The following AK5 variants were observed in gnomAD, a reference collection of about 807,000 sequenced individuals.
AK5 encodes adenylate kinase 5.
Under a neutral mutation model 69.5 loss-of-function variants are expected in AK5, and 27 were observed. The ratio of observed to expected loss-of-function variants is 0.39; its 90% CI spans 0.29 to 0.54. The LOEUF is 0.54. Among genes scored for constraint, AK5 ranks in the 20% least tolerant of loss-of-function variants. AK5 has a pLI of 0.71. For synonymous variants in AK5, 260 were observed against 244.4 expected (o/e 1.06, Z -0.60); for missense variants, 531 against 700.4 (o/e 0.76, Z 2.73).
intron 5 of AK5, among the ~76,000 whole-genome samples, chr1:77,337,912 A>T (rs1174350257): frequency 1.3e-5 from 2 of 152,104 alleles, no homozygotes; most frequent in Non-Finnish European, 2.9e-5. Context: ...GCCTGTGCTT[A>T]CACAGTGGCA....
chr1:77,333,232 T>C (rs1661179909), intron 5 of AK5, among the ~76,000 whole-genome samples: 1 of 152,218 alleles, frequency 6.6e-6, no homozygotes, highest in African/African-American at 2.4e-5. Flanking sequence ...CCCCACCTCA[T>C]AACCTCTGAG....
intron 13 of AK5, among the ~76,000 whole-genome samples, chr1:77,544,642 T>C (rs1230918026): frequency 6.6e-6 from 1 of 152,144 alleles, no homozygotes; most frequent in Non-Finnish European, 1.5e-5. Context: ...GCCACTGTCT[T>C]TACCTCCGTA....
At chr1:77,547,271 CTTTTTTTT>C (rs532879024) in intron 13 of AK5, among the ~76,000 whole-genome samples, 1 of 107,442 alleles carries the variant, frequency 9.3e-6, no homozygotes, top group African/African-American at 3.3e-5. Flanking sequence ...ATAAAGTTCT[CTTTTTTTT>C]TTTTTTTTTT....
intron 2 of AK5, among the ~76,000 whole-genome samples, chr1:77,290,144 A>G (rs1008116194): frequency 2.0e-5 from 3 of 152,216 alleles, no homozygotes; most frequent in Non-Finnish European, 2.9e-5. Flanking sequence ...TCGTATACCT[A>G]TGGTGGTAAG....
At chr1:77,326,142 A>G (rs776610895) in intron 5 of AK5, among the ~76,000 whole-genome samples, 4 of 152,180 alleles carry the variant, frequency 2.6e-5, no homozygotes, top group Non-Finnish European at 5.9e-5. Context: ...TTCATTACCA[A>G]TATGAAAGAG....
intron 6 of AK5, among the ~76,000 whole-genome samples, chr1:77,351,092 T>C (rs1662167388): frequency 6.6e-6 from 1 of 152,154 alleles, no homozygotes; most frequent in African/African-American, 2.4e-5. Flanking sequence ...GTTTGTTTCA[T>C]TACAATAAAA....
chr1:77,497,183 G>T (rs1656382700), intron 10 of AK5, among the ~76,000 whole-genome samples: 1 of 152,098 alleles, frequency 6.6e-6, no homozygotes, highest in African/African-American at 2.4e-5. Flanking sequence ...AACAACTCCG[G>T]ACGTGCCACC....
chr1:77,475,416 TAC>T (rs1654835492), intron 8 of AK5, among the ~76,000 whole-genome samples: 1 of 3,752 alleles, frequency 2.7e-4, no homozygotes, highest in African/African-American at 3.6e-4. Flanking sequence ...TGTATATATA[TAC>T]TATATATTAT....
intron 10 of AK5, among the ~76,000 whole-genome samples, chr1:77,498,188 G>T (rs1009119778): frequency 2.0e-5 from 3 of 152,184 alleles, no homozygotes; most frequent in Admixed American, 1.3e-4. Flanking sequence ...TCTGGGAAAG[G>T]TTCACTAAAG....
At chr1:77,509,094 C>T (rs1363888992) in intron 10 of AK5, among the ~76,000 whole-genome samples, 1 of 152,168 alleles carries the variant, frequency 6.6e-6, no homozygotes, top group Non-Finnish European at 1.5e-5. Context: ...TGGTCAAGAG[C>T]CAAGGTCCCC....
At chr1:77,405,268 A>G (rs1264890189) in intron 6 of AK5, among the ~76,000 whole-genome samples, 1 of 152,236 alleles carries the variant, frequency 6.6e-6, no homozygotes, top group Non-Finnish European at 1.5e-5. Context: ...ATGCTAAGAA[A>G]TAAGTTGCTC....
At chr1:77,467,270 T>C (rs1225318438) in intron 8 of AK5, among the ~76,000 whole-genome samples, 2 of 152,240 alleles carry the variant, frequency 1.3e-5, no homozygotes, top group Non-Finnish European at 2.9e-5. Flanking sequence ...CCTCACTTTC[T>C]TTCCTTGTAA....
intron 8 of AK5, among the ~76,000 whole-genome samples, chr1:77,450,326 A>T (rs1306342433): frequency 6.6e-6 from 1 of 152,170 alleles, no homozygotes; most frequent in Non-Finnish European, 1.5e-5. Context: ...ATTTTCAGGT[A>T]TCTCTTCAGC....
intron 12 of AK5, 100 bp downstream of exon 12, chr1:77,522,043 G>GA: frequency 3.1e-6 from 3 of 960,004 alleles, no homozygotes; most frequent in Non-Finnish European, 4.6e-6. Flanking sequence ...TTACATTAAT[G>GA]AAAACTTTAA....
intron 5 of AK5, among the ~76,000 whole-genome samples, chr1:77,332,941 T>A (rs75133633): frequency 0.014 from 2,200 of 152,140 alleles, 28 homozygotes; most frequent in Middle Eastern, 0.027. Context: ...CTCCTTTTAG[T>A]TCTGTTCAAG....
intron 5 of AK5, among the ~76,000 whole-genome samples, chr1:77,312,611 T>TA (rs5775383): frequency 0.02 from 2,463 of 123,144 alleles, 85 homozygotes; most frequent in African/African-American, 0.07. Flanking sequence ...CGAGTCTGTC[T>TA]AAAAAAAAAA....
intron 6 of AK5, among the ~76,000 whole-genome samples, chr1:77,407,662 T>C (rs1172342698): frequency 1.3e-5 from 2 of 152,194 alleles, no homozygotes; most frequent in Non-Finnish European, 2.9e-5. Context: ...TTGGGGTACA[T>C]GTGCAGATTT....
intron 6 of AK5, among the ~76,000 whole-genome samples, chr1:77,368,433 C>T (rs1014231535): frequency 6.9e-6 from 1 of 145,230 alleles, no homozygotes; most frequent in African/African-American, 2.5e-5. Flanking sequence ...TAATGTTGTA[C>T]ATGAAACAAG....
At chr1:77,554,818 A>T (rs895934911) in intron 13 of AK5, among the ~76,000 whole-genome samples, 1 of 136,948 alleles carries the variant, frequency 7.3e-6, no homozygotes, top group African/African-American at 2.8e-5. Context: ...GGGTTTCGCC[A>T]TGTTAGCCGG....
Sources: gnomAD v4.1 joint callset for allele counts (sites outside exome capture counted in the v4.1 genomes callset) on GRCh38, gnomAD v4.1.1 for gene constraint, MANE v1.5 for transcripts, NCBI Gene and HGNC (gene_info 2026-07-23, HGNC 2026-07-21) for gene names.